Variants in CLVS1 observed in about 807,000 individuals in gnomAD.
CLVS1 encodes the protein clavesin-1.
A neutral mutation model predicts 33.1 loss-of-function variants in CLVS1; 10 were observed. The observed-to-expected ratio is 0.30, with a 90% CI of 0.19 to 0.51. The LOEUF is 0.51. Ranked by LOEUF, CLVS1 falls within the 20% of genes least tolerant of loss-of-function variation. The pLI is 0.97. For missense variants in CLVS1, 343 were observed against 433.4 expected (o/e 0.79, Z 1.85); for synonymous variants, 163 against 166.1 (o/e 0.98, Z 0.14).
At chr8:61,315,316 T>C (rs1267913308) in intron 2 of CLVS1, among the ~76,000 whole-genome samples, 1 of 152,204 alleles carries the variant, frequency 6.6e-6, no homozygotes, top group Non-Finnish European at 1.5e-5. Context: ...AAGGATGTAT[T>C]GGGGAGGGGG....
intron 2 of CLVS1, among the ~76,000 whole-genome samples, chr8:61,142,207 C>T (rs547392008): frequency 1.4e-4 from 22 of 152,226 alleles, no homozygotes; most frequent in East Asian, 7.7e-4. Flanking sequence ...ATGCTGTTCT[C>T]GTGATAGTGA....
At chr8:60,993,474 G>A in the CLVS1 span, among the ~76,000 whole-genome samples, 2 of 152,200 alleles carry the variant, frequency 1.3e-5, no homozygotes, top group African/African-American at 4.8e-5. Context: ...TGAGCCAATC[G>A]CTTCACCTCT....
chr8:61,168,916 A>G (rs747558717), intron 2 of CLVS1, among the ~76,000 whole-genome samples: 5 of 152,248 alleles, frequency 3.3e-5, no homozygotes, highest in Non-Finnish European at 7.3e-5. Context: ...ACTAGATTAT[A>G]TACTGCTCCA....
At chr8:61,279,054 A>T (rs566340706) in intron 2 of CLVS1, among the ~76,000 whole-genome samples, 1 of 152,344 alleles carries the variant, frequency 6.6e-6, no homozygotes, top group Non-Finnish European at 1.5e-5. Flanking sequence ...CTGCAGCTCT[A>T]GATTTTAGGG....
chr8:61,119,512 G>A (rs1805812337), intron 1 of CLVS1, among the ~76,000 whole-genome samples: 1 of 148,308 alleles, frequency 6.7e-6, no homozygotes, highest in South Asian at 2.2e-4. Flanking sequence ...GGCTGGTACT[G>A]GTTGTTCCTT....
rs541325923 is a variant in CLVS1, at chr8:61,166,755, C to T, written c.-152+34895C>T. Among the ~76,000 whole-genome samples the T allele has an allele frequency of 2.7e-4, 41 of 151,902 alleles. No individual in the cohort carries two copies. In the East Asian group the frequency reaches 6.0e-3, roughly 22 times the overall value. On this transcript the variant is annotated intron_variant, in intron 2 of 2. Coordinates refer to the CLVS1 transcript ENST00000522621. ...AAATGCAAATTTCAATGCAAAGAGC[C>T]GGGAAACAGGAATTTCTACTGTTTG...
intron 3 of CLVS1, among the ~76,000 whole-genome samples, chr8:61,436,334 T>C (rs1816330010): frequency 6.6e-6 from 1 of 152,190 alleles, no homozygotes; most frequent in Admixed American, 6.5e-5. Flanking sequence ...ACTGTAAAAG[T>C]CATCAAAATA....
intron 3 of CLVS1, among the ~76,000 whole-genome samples, chr8:61,442,394 G>A (rs1816586493): frequency 6.6e-6 from 1 of 152,178 alleles, no homozygotes; most frequent in Non-Finnish European, 1.5e-5. Context: ...TAGAGCTGCT[G>A]TGAGTGTCTT....
intron 2 of CLVS1, among the ~76,000 whole-genome samples, chr8:61,276,457 A>T (rs1035972657): frequency 1.3e-5 from 2 of 152,262 alleles, no homozygotes; most frequent in Non-Finnish European, 2.9e-5. Flanking sequence ...ATGCACCAGT[A>T]AAGTTGTACT....
intron 2 of CLVS1, among the ~76,000 whole-genome samples, chr8:61,221,445 T>A (rs1808214174): frequency 6.6e-6 from 1 of 152,206 alleles, no homozygotes; most frequent in Non-Finnish European, 1.5e-5. Context: ...GAGATAATCA[T>A]GTGGTTTTTG....
At chr8:61,246,167 C>CTTTTTTTTTTTTTTTTTTTTTT (rs1188366643) in intron 2 of CLVS1, among the ~76,000 whole-genome samples, 1 of 82,210 alleles carries the variant, frequency 1.2e-5, no homozygotes, top group Non-Finnish European at 2.3e-5. Flanking sequence ...TCCTTCCCAA[C>CTTTTTTTTTTTTTTTTTTTTTT]TTTTTTTTTT....
chr8:61,339,904 GGAGGGAAAGAAAGA>G (rs1385995453), intron 2 of CLVS1, among the ~76,000 whole-genome samples: 5 of 149,796 alleles, frequency 3.3e-5, no homozygotes, highest in Admixed American at 2.7e-4. Context: ...AGAAAGGGAG[GGAGGGAAAGAAAGA>G]GAGTGAAAGA....
upstream of CLVS1, among the ~76,000 whole-genome samples, chr8:61,055,383 G>C (rs1476170314): frequency 6.6e-6 from 1 of 152,166 alleles, no homozygotes; most frequent in Non-Finnish European, 1.5e-5. Context: ...GGCCGTGGTT[G>C]TTTAGCCTAT....
chr8:61,002,315 G>A, the CLVS1 span, among the ~76,000 whole-genome samples: 2 of 141,988 alleles, frequency 1.4e-5, no homozygotes, highest in African/African-American at 5.3e-5. Flanking sequence ...TCTAGTTCCT[G>A]TATGCTTGCT....
the CLVS1 span, among the ~76,000 whole-genome samples, chr8:60,989,199 A>G: frequency 6.7e-6 from 1 of 150,300 alleles, no homozygotes; most frequent in African/African-American, 2.5e-5. Flanking sequence ...TTTTGTTTTG[A>G]GATGGAATTT....
At chr8:61,030,868 G>T in the CLVS1 span, among the ~76,000 whole-genome samples, 1 of 152,178 alleles carries the variant, frequency 6.6e-6, no homozygotes, top group Non-Finnish European at 1.5e-5. Context: ...TGGGAGTCAG[G>T]CCACCTGGGA....
chr8:61,226,476 G>A (rs926314968), intron 2 of CLVS1, among the ~76,000 whole-genome samples: 8 of 152,198 alleles, frequency 5.3e-5, no homozygotes, highest in Admixed American at 4.6e-4. Flanking sequence ...TTCAGCCTTG[G>A]CCCTTAAAAC....
chr8:61,388,867 C>T (rs1309502407), intron 3 of CLVS1, among the ~76,000 whole-genome samples: 1 of 152,020 alleles, frequency 6.6e-6, no homozygotes, highest in Non-Finnish European at 1.5e-5. Flanking sequence ...AGAACTTATT[C>T]CCCCTATCTG....
chr8:61,442,594 G>C (rs1816595928), intron 3 of CLVS1, among the ~76,000 whole-genome samples: 1 of 152,130 alleles, frequency 6.6e-6, no homozygotes, highest in Non-Finnish European at 1.5e-5. Context: ...ATCCTCACCA[G>C]CATTTGGAGG....
Sources: allele counts gnomAD v4.1 joint callset (sites outside exome capture counted in the v4.1 genomes callset), GRCh38; gene constraint gnomAD v4.1.1; transcripts MANE v1.5; gene names NCBI Gene and HGNC (gene_info 2026-07-23, HGNC 2026-07-21).